Variants in KMT2A observed in about 807,000 individuals in gnomAD.
KMT2A encodes lysine methyltransferase 2A.
KMT2A carries 16 observed loss-of-function variants against 345.3 expected under a neutral mutation model. That is an observed-to-expected ratio of 0.05 (90% confidence interval 0.03 to 0.07). The LOEUF (loss-of-function observed/expected upper bound fraction) is 0.07. Among genes scored for constraint, KMT2A ranks in the 10% least tolerant of loss-of-function variants. The pLI, the probability that KMT2A is intolerant of heterozygous loss-of-function variation, is 1.00. For missense variants in KMT2A, 3,272 were observed against 4,841.6 expected (o/e 0.68, Z 9.62); for synonymous variants, 1,599 against 1,778.6 (o/e 0.90, Z 2.54).
At chr11:118,501,906 C>G in intron 26 of KMT2A, 49 bp downstream of exon 26, 1 of 1,440,248 alleles carries the variant, frequency 6.9e-7, no homozygotes, top group Non-Finnish European at 9.5e-7. Flanking sequence ...AGCCCAAAGA[C>G]TAATTTGTAA....
chr11:118,466,745 G>A (rs1300453182), intron 1 of KMT2A, among the ~76,000 whole-genome samples: 1 of 152,058 alleles, frequency 6.6e-6, no homozygotes, highest in Admixed American at 6.6e-5. Flanking sequence ...AACCTGGGAG[G>A]CTGAGGTGGC....
chr11:118,497,866 A>T lies in KMT2A; in HGVS notation c.5665-70A>T. 8.2e-7 allele frequency: 1 copy of T among 1,222,094 alleles called. No individual in the cohort carries two copies. Among genetic ancestry groups the T allele is most frequent in the East Asian group, 2.4e-5 (1 of 42,504 alleles). 75.7% of individuals were successfully genotyped at this position (1,222,094 alleles called of 1,614,324 possible). Reference sequence around the variant, plus strand: ...TTCTTGAGGTTATCTTCACTGGAAAAGCTAATGCCGAGGAAAACCTCCTTT... The same window carrying T: ...TTCTTGAGGTTATCTTCACTGGAAATGCTAATGCCGAGGAAAACCTCCTTT... On this transcript the variant is annotated intron_variant, in intron 20 of 35. Coordinates refer to ENST00000534358, the MANE Select transcript of KMT2A (RefSeq NM_001197104.2). The surrounding 1 kb of genome is among the most constrained non-coding windows in gnomAD (Gnocchi z 4.8).
intron 1 of KMT2A, 71 bp from the exon 2 acceptor site, chr11:118,468,704 G>C: frequency 8.6e-7 from 1 of 1,160,538 alleles, no homozygotes; most frequent in South Asian, 1.2e-5. Context: ...GTCTCCTCTG[G>C]GCATTTCTTT....
Position 118,488,667 on chromosome 11 carries a change from G to C in KMT2A, c.4386G>C (p.Glu1462Asp). The C allele has an allele frequency of 3.1e-6, 5 of 1,614,178 alleles. No individual in the cohort carries two copies. The highest frequency in any genetic ancestry group is 4.2e-6 in the Non-Finnish European group (5 of 1,180,020). ...CEPFHKFCLEENERPLEDQLE... is the reference protein window; with the variant it reads ...CEPFHKFCLEDNERPLEDQLE... Reference sequence around the variant, plus strand: ...CCTTCCACAAGTTTTGTTTAGAGGAGAACGAGCGCCCTCTGGAGGACCAGC... The same window carrying C: ...CCTTCCACAAGTTTTGTTTAGAGGACAACGAGCGCCCTCTGGAGGACCAGC... The change falls in exon 11 of 36, where the codon GAG (glutamate) becomes GAC (aspartate). Residue 1462 changes from glutamate to aspartate, a missense_variant. By Grantham distance (45) the Glu-to-Asp change is conservative (BLOSUM62 2). Coordinates refer to ENST00000534358, the MANE Select transcript of KMT2A (RefSeq NM_001197104.2).
At position 118,503,155 on chromosome 11, in the gene KMT2A, G is replaced by T; in HGVS notation, c.7263G>T (p.Met2421Ile). Residue 2421 changes from methionine to isoleucine, a missense_variant, in exon 27 of 36, where the codon ATG (methionine) becomes ATT (isoleucine). By Grantham distance (10) the Met-to-Ile change is conservative (BLOSUM62 1). Transcript: ENST00000534358. This position sits in a 1 kb window ranked among gnomAD's most constrained non-coding sequence, Gnocchi z 5.3. ...SNRSSIINEH[M>I]GSSSRDRRQK... ...GATCATCCATTATCAACGAACATAT[G>T]GGATCTAGTTCCAGAGATAGGAGAC... 1.2e-6 allele frequency: 2 copies of T among 1,613,846 alleles called. No homozygotes were observed. The highest frequency in any genetic ancestry group is 2.2e-5 in the South Asian group (2 of 91,042).
chr11:118,490,004 C>T lies in KMT2A; in HGVS notation c.4575+117C>T. On this transcript the variant is annotated intron_variant, in intron 12 of 35. Coordinates refer to ENST00000534358, the MANE Select transcript of KMT2A (RefSeq NM_001197104.2). This position sits in a 1 kb window ranked among gnomAD's most constrained non-coding sequence, Gnocchi z 4.2. ...TGTCAGTATGACAATCTTTTTGCCT[C>T]ATTACTAGGAAATCATCTCAGCAGA... 7.0e-7 allele frequency: 1 copy of T among 1,423,024 alleles called. No homozygotes were observed. The highest frequency in any genetic ancestry group is 1.2e-5 in the South Asian group (1 of 81,634). The allele number at this position is 1,423,024 out of a possible 1,614,324, so 88.1% of individuals were successfully genotyped here. A position where few individuals can be genotyped will look rare whatever the true frequency, so the allele number is the denominator to read the frequency against.
chr11:118,508,416 G>C (rs1555049210), intron 28 of KMT2A, among the ~76,000 whole-genome samples: 1 of 152,096 alleles, frequency 6.6e-6, no homozygotes. Flanking sequence ...CATTTGGATT[G>C]TTTCCAGAAT....
At position 118,484,444 on chromosome 11, in the gene KMT2A, A is replaced by G; in HGVS notation, c.4218+130A>G. The G allele has an allele frequency of 1.0e-6, 1 of 953,868 alleles. No individual in the cohort carries two copies. The highest frequency in any genetic ancestry group is 1.6e-6 in the Non-Finnish European group (1 of 644,676). The allele number at this position is 953,868 out of a possible 1,614,324, so 59.1% of individuals were successfully genotyped here. A position where few individuals can be genotyped will look rare whatever the true frequency, so the allele number is the denominator to read the frequency against. On this transcript the variant is annotated intron_variant, in intron 9 of 35. Coordinates refer to ENST00000534358, the MANE Select transcript of KMT2A (RefSeq NM_001197104.2). This position sits in a 1 kb window ranked among gnomAD's most constrained non-coding sequence, Gnocchi z 4.1. ...GGAATGAATAAGAACTCCCATTAGC[A>G]GGTGGGTTTAGCGCTGGGAGAGCTT...
intron 31 of KMT2A, among the ~76,000 whole-genome samples, chr11:118,517,003 G>A (rs1309623016): frequency 6.6e-6 from 1 of 152,040 alleles, no homozygotes; most frequent in Non-Finnish European, 1.5e-5. Context: ...ACTTGAGTAT[G>A]TAGTATGTTT....
chr11:118,513,353 C>T (rs1156722739), intron 31 of KMT2A, among the ~76,000 whole-genome samples: 5 of 151,766 alleles, frequency 3.3e-5, no homozygotes, highest in African/African-American at 7.2e-5. Flanking sequence ...CAGATTGCTC[C>T]TGGAAAGGTG....
rs1565302475 is a variant in KMT2A, at chr11:118,502,803, C to G, written c.6911C>G (p.Ser2304Cys). The change falls in exon 27 of 36, where the codon TCC becomes TGC. Residue 2304 changes from serine (S) to cysteine (C), a missense_variant. Ser to Cys is a moderately radical substitution (Grantham distance 112, BLOSUM62 -1). Around this residue, in one of 27 missense-constraint regions of KMT2A, gnomAD observed 445 missense variants for 500.9 expected, o/e 0.89. Transcript: ENST00000534358. This position sits in a 1 kb window ranked among gnomAD's most constrained non-coding sequence, Gnocchi z 4.9. Reference protein sequence around the residue: ...SSASDLVSKSSSLKGEKTKVL... With the variant: ...SSASDLVSKSCSLKGEKTKVL... Reference sequence around the variant, plus strand: ...GCTTCAGACTTGGTGTCCAAGAGCTCCTCTTTAAAGGGAGAGAAGACCAAA... The same window carrying G: ...GCTTCAGACTTGGTGTCCAAGAGCTGCTCTTTAAAGGGAGAGAAGACCAAA... 2 of 1,614,144 alleles carry G rather than the reference C, an allele frequency of 1.2e-6. No individual in the cohort carries two copies. The highest frequency in any genetic ancestry group is 2.2e-5 in the South Asian group (2 of 91,082).
At chr11:118,458,340 C>T (rs782127986) in intron 1 of KMT2A, 38 of 179,088 alleles carry the variant, frequency 2.1e-4, no homozygotes, top group Admixed American at 1.0e-3. Flanking sequence ...CCTCCCTCCT[C>T]GGCCTCCCAT....
intron 1 of KMT2A, chr11:118,448,080 G>A (rs1555027682): frequency 6.5e-6 from 1 of 152,882 alleles, no homozygotes; most frequent in South Asian, 2.0e-4. Context: ...TTTCCAGTAG[G>A]AAGCTTCCAG....
At position 118,494,827 on chromosome 11, in the gene KMT2A, A is replaced by G; in HGVS notation, c.5363+60A>G. The G allele has an allele frequency of 2.3e-6, 3 of 1,308,598 alleles. No individual in the cohort carries two copies. Among genetic ancestry groups the G allele is most frequent in the South Asian group, 1.2e-5 (1 of 80,744 alleles). 81.1% of individuals were successfully genotyped at this position (1,308,598 alleles called of 1,614,324 possible). A position where few individuals can be genotyped will look rare whatever the true frequency, so the allele number is the denominator to read the frequency against. ...ATCGGCTAGAAATCTGAGAGTTCTC[A>G]TATTTCTAGATTGCAGTTTTCCAAA... On this transcript the variant is annotated intron_variant, in intron 18 of 35. Transcript: ENST00000534358. This position sits in a 1 kb window ranked among gnomAD's most constrained non-coding sequence, Gnocchi z 5.8.
Position 118,496,334 on chromosome 11 carries a change from G to A in KMT2A, c.5631G>A (p.Ala1877=), listed in dbSNP as rs147764171. ...GCATAGAAGACAATAGACAGTGTGC[G>A]TTATGTTTGACTTATGGTGATGACA... ...PPGIEDNRQC[A]LCLTYGDDSA... Residue 1877 remains alanine (A), a synonymous_variant, in exon 20 of 36, where the codon GCG becomes GCA. Transcript: ENST00000534358. This position sits in a 1 kb window ranked among gnomAD's most constrained non-coding sequence, Gnocchi z 4.7. 2,836 of 1,613,652 alleles carry A rather than the reference G, an allele frequency of 1.8e-3. 3 individuals carry two copies. The highest frequency in any genetic ancestry group is 2.3e-3 in the Non-Finnish European group (2,656 of 1,179,684).
In KMT2A at chr11:118,505,235, C is replaced by A. The variant is rs140941483; in HGVS notation, c.9343C>A (p.Pro3115Thr). 1 of 1,614,058 alleles carries A rather than the reference C, an allele frequency of 6.2e-7. No individual in the cohort carries two copies. Among genetic ancestry groups the A allele is most frequent in the Non-Finnish European group, 8.5e-7 (1 of 1,179,924 alleles). Residue 3115 changes from proline to threonine, a missense_variant, in exon 27 of 36, where the codon CCC becomes ACC. Pro to Thr is a conservative substitution (Grantham distance 38). Coordinates refer to ENST00000534358, the MANE Select transcript of KMT2A (RefSeq NM_001197104.2). This position sits in a 1 kb window ranked among gnomAD's most constrained non-coding sequence, Gnocchi z 4.6. Reference protein sequence around the residue: ...IQLTSSVSSTPSVMETNTSVL... With the variant: ...IQLTSSVSSTTSVMETNTSVL... Reference sequence around the variant, plus strand: ...ATTGACCTCTTCTGTTAGTTCTACACCCAGTGTGATGGAGACAAATACTTC... The same window carrying A: ...ATTGACCTCTTCTGTTAGTTCTACAACCAGTGTGATGGAGACAAATACTTC...
intron 1 of KMT2A, among the ~76,000 whole-genome samples, chr11:118,466,114 T>G (rs1463640436): frequency 6.6e-6 from 1 of 152,168 alleles, no homozygotes; most frequent in African/African-American, 2.4e-5. Flanking sequence ...GGAGGATCAC[T>G]TGAGCCCAGA....
intron 1 of KMT2A, among the ~76,000 whole-genome samples, chr11:118,451,773 C>T (rs73615909): frequency 0.1 from 15,802 of 151,286 alleles, 1,247 homozygotes; most frequent in African/African-American, 0.22. Context: ...ATTATAGGTG[C>T]GACCCACCAT....
chr11:118,459,609 C>T (rs1423970328), intron 1 of KMT2A, among the ~76,000 whole-genome samples: 1 of 152,012 alleles, frequency 6.6e-6, no homozygotes, highest in African/African-American at 2.4e-5. Context: ...TCCATCTTAG[C>T]CTGGTAGGTA....
Sources: allele counts gnomAD v4.1 joint callset (sites outside exome capture counted in the v4.1 genomes callset), GRCh38; gene constraint gnomAD v4.1.1; regional missense constraint gnomAD v4.1.1; non-coding constraint Gnocchi (gnomAD v3.1); transcripts MANE v1.5; gene names NCBI Gene and HGNC (gene_info 2026-07-23, HGNC 2026-07-21).